The following GRM5 variants were observed in gnomAD, a reference collection of about 807,000 sequenced individuals.
The protein encoded by GRM5 is glutamate metabotropic receptor 5.
Under a neutral mutation model 83.1 loss-of-function variants are expected in GRM5, and 19 were observed. The ratio of observed to expected loss-of-function variants is 0.23; its 90% CI spans 0.16 to 0.34. GRM5 has a LOEUF of 0.34. Ranked by LOEUF, GRM5 falls within the 10% of genes least tolerant of loss-of-function variation. GRM5 has a pLI of 1.00. For synonymous variants in GRM5, 675 were observed against 633.6 expected (o/e 1.07, Z -0.98); for missense variants, 1,160 against 1,588.3 (o/e 0.73, Z 4.58).
At chr11:89,002,573 T>C (rs1048853072) in intron 2 of GRM5, among the ~76,000 whole-genome samples, 10 of 152,202 alleles carry the variant, frequency 6.6e-5, no homozygotes, top group Non-Finnish European at 4.4e-5. Flanking sequence ...CTACTAAATA[T>C]GTTATCTGCA....
chr11:88,552,202 T>G (rs1279246828), intron 8 of GRM5, among the ~76,000 whole-genome samples: 1 of 152,040 alleles, frequency 6.6e-6, no homozygotes. Context: ...TTTGTTTAAT[T>G]TTTTTGTAGC....
chr11:88,846,647 G>A (rs1328023304), intron 3 of GRM5, among the ~76,000 whole-genome samples: 1 of 152,014 alleles, frequency 6.6e-6, no homozygotes, highest in African/African-American at 2.4e-5. Context: ...GCTATTAAAT[G>A]TGGACCTTCT....
chr11:89,036,333 G>C (rs1941385129), intron 2 of GRM5, among the ~76,000 whole-genome samples: 1 of 152,156 alleles, frequency 6.6e-6, no homozygotes, highest in South Asian at 2.1e-4. Context: ...AAATTAGTAA[G>C]AGTCTAAAAT....
chr11:88,960,412 A>G lies in GRM5; in HGVS notation c.661+86800T>C, dbSNP rs140401301. On this transcript the variant is annotated intron_variant, in intron 2 of 9. Transcript: ENST00000305447. ...CATAAAGGATATTGCTAAATATTAA[A>G]AGGGCTTTGTGAAATTCTTCAGATT... Among the ~76,000 whole-genome samples, 20 of 152,342 alleles carry G rather than the reference A, an allele frequency of 1.3e-4. No homozygotes were observed. The East Asian group carries it at 3.9e-3, about 29-fold the overall frequency.
At chr11:88,543,907 G>A (rs1942330938) in intron 8 of GRM5, among the ~76,000 whole-genome samples, 1 of 152,046 alleles carries the variant, frequency 6.6e-6, no homozygotes, top group Non-Finnish European at 1.5e-5. Context: ...AAACTTAATT[G>A]CCGTGTAACA....
intron 3 of GRM5, among the ~76,000 whole-genome samples, chr11:88,791,641 A>T (rs1943174686): frequency 6.6e-6 from 1 of 152,150 alleles, no homozygotes; most frequent in African/African-American, 2.4e-5. Context: ...TGAATACATG[A>T]CAAATGACCA....
At chr11:88,724,513 C>CTAGTT (rs2135399404) in intron 3 of GRM5, among the ~76,000 whole-genome samples, 1 of 152,260 alleles carries the variant, frequency 6.6e-6, no homozygotes, top group African/African-American at 2.4e-5. Context: ...ATTTTACTCA[C>CTAGTT]TAGTTTATTC....
At chr11:88,886,342 C>T (rs1459320882) in intron 2 of GRM5, among the ~76,000 whole-genome samples, 2 of 152,126 alleles carry the variant, frequency 1.3e-5, no homozygotes, top group African/African-American at 2.4e-5. Context: ...CAACATTCAT[C>T]GAGATGGTGA....
chr11:89,048,877 C>T (rs1941698457), intron 1 of GRM5, among the ~76,000 whole-genome samples: 1 of 152,138 alleles, frequency 6.6e-6, no homozygotes, highest in African/African-American at 2.4e-5. Flanking sequence ...TGTTTAACCT[C>T]TTGGTACCAG....
chr11:88,617,155 G>T (rs1938506973), intron 4 of GRM5, among the ~76,000 whole-genome samples: 1 of 152,108 alleles, frequency 6.6e-6, no homozygotes, highest in South Asian at 2.1e-4. Context: ...TTTACAGCAG[G>T]ATCTGTTAGG....
intron 4 of GRM5, among the ~76,000 whole-genome samples, chr11:88,612,032 A>G (rs1938332775): frequency 6.6e-6 from 1 of 151,190 alleles, no homozygotes; most frequent in South Asian, 2.1e-4. Flanking sequence ...TTAGTTACAT[A>G]TGTATACATG....
intron 2 of GRM5, among the ~76,000 whole-genome samples, chr11:89,020,241 G>T (rs1940949779): frequency 1.3e-5 from 2 of 152,194 alleles, no homozygotes; most frequent in Admixed American, 6.5e-5. Flanking sequence ...TGGAATTTAA[G>T]CCCAGGTGTT....
At chr11:88,971,942 A>G (rs890694366) in intron 2 of GRM5, among the ~76,000 whole-genome samples, 2 of 152,100 alleles carry the variant, frequency 1.3e-5, no homozygotes, top group Non-Finnish European at 2.9e-5. Context: ...CTCTAGGGGC[A>G]TGTGCAAAAG....
chr11:88,682,089 C>A lies in GRM5; in HGVS notation c.912-28686G>T, dbSNP rs371891827. ...TTATGGTTACTGTTTGATTTAAATC[C>A]AATAAACTGATTTTAAGTAACTGAG... On this transcript the variant is annotated intron_variant, in intron 3 of 9. Transcript: ENST00000305447. Among the ~76,000 whole-genome samples the A allele has an allele frequency of 4.5e-4, 69 of 152,174 alleles. 1 individual carries two copies. Among genetic ancestry groups the A allele is most frequent in the African/African-American group, 1.4e-3 (58 of 41,528 alleles).
chr11:88,980,178 C>G (rs554450), intron 2 of GRM5, among the ~76,000 whole-genome samples: 1 of 152,234 alleles, frequency 6.6e-6, no homozygotes, highest in South Asian at 2.1e-4. Context: ...ATTGAAAAAA[C>G]ACAGCTGAAA....
intron 3 of GRM5, among the ~76,000 whole-genome samples, chr11:88,723,488 C>A (rs928612723): frequency 6.6e-6 from 1 of 152,092 alleles, no homozygotes; most frequent in Non-Finnish European, 1.5e-5. Flanking sequence ...TATGCCATTT[C>A]GAATTCCCAC....
intron 3 of GRM5, among the ~76,000 whole-genome samples, chr11:88,820,371 T>A (rs988335753): frequency 9.0e-5 from 4 of 44,342 alleles, no homozygotes; most frequent in East Asian, 1.8e-3. Flanking sequence ...CAAAACTCCA[T>A]CTCAAAAAAA....
intron 2 of GRM5, among the ~76,000 whole-genome samples, chr11:88,926,062 T>A (rs1590969755): frequency 2.6e-5 from 4 of 152,152 alleles, no homozygotes; most frequent in Non-Finnish European, 5.9e-5. Context: ...AATACAAATG[T>A]CCAGCCACTG....
chr11:88,612,033 T>A (rs1383259441), intron 4 of GRM5, among the ~76,000 whole-genome samples: 1 of 151,416 alleles, frequency 6.6e-6, no homozygotes, highest in African/African-American at 2.4e-5. Context: ...TAGTTACATA[T>A]GTATACATGT....
Sources: allele counts gnomAD v4.1 joint callset (sites outside exome capture counted in the v4.1 genomes callset), GRCh38; gene constraint gnomAD v4.1.1; transcripts MANE v1.5; gene names NCBI Gene and HGNC (gene_info 2026-07-23, HGNC 2026-07-21).